Variants in ANO3 observed in about 807,000 individuals in gnomAD.
The protein encoded by ANO3 is anoctamin-3.
A neutral mutation model predicts 144.8 loss-of-function variants in ANO3; 99 were observed. The observed-to-expected ratio is 0.68, with a 90% CI of 0.58 to 0.81. The LOEUF (loss-of-function observed/expected upper bound fraction) is 0.81, where lower values mean the gene tolerates loss of function less well. Among genes scored for constraint, ANO3 ranks in the 30% least tolerant of loss-of-function variants. The pLI, the probability that ANO3 is intolerant of heterozygous loss-of-function variation, is 0.00. For synonymous variants in ANO3, 414 were observed against 392.6 expected (o/e 1.05, Z -0.64); for missense variants, 905 against 1,202.2 (o/e 0.75, Z 3.66).
At chr11:26,213,183 A>G (rs1156771872) in intron 1 of ANO3, among the ~76,000 whole-genome samples, 1 of 152,210 alleles carries the variant, frequency 6.6e-6, no homozygotes, top group Non-Finnish European at 1.5e-5. Flanking sequence ...ATCATACTAA[A>G]TGGGCACAAG....
intron 18 of ANO3, among the ~76,000 whole-genome samples, chr11:26,630,677 A>G (rs1397240616): frequency 6.6e-6 from 1 of 152,216 alleles, no homozygotes; most frequent in Non-Finnish European, 1.5e-5. Context: ...ATTTAGCCTT[A>G]TGCCACTAGG....
At chr11:26,615,414 ATT>A (rs66840659) in intron 17 of ANO3, among the ~76,000 whole-genome samples, 48,087 of 130,348 alleles carry the variant, frequency 0.37, 8,760 homozygotes, top group South Asian at 0.53. Context: ...ATATATATAT[ATT>A]TTTTTTTTTT....
At chr11:26,495,175 G>C (rs1313539617) in intron 4 of ANO3, among the ~76,000 whole-genome samples, 1 of 151,670 alleles carries the variant, frequency 6.6e-6, no homozygotes, top group African/African-American at 2.4e-5. Flanking sequence ...CACAAACACA[G>C]CTCACTGCAG....
At position 26,647,161 on chromosome 11, in the gene ANO3, G is replaced by GT. The variant is rs1853371897; in HGVS notation, c.2429-542dup. Among the ~76,000 whole-genome samples the GT allele has an allele frequency of 4.6e-5, 7 of 152,040 alleles. No individual in the cohort carries two copies. In the South Asian group the frequency reaches 1.4e-3, roughly 31 times the overall value. On this transcript the variant is annotated intron_variant, in intron 23 of 26. Coordinates refer to ENST00000256737, the MANE Select transcript of ANO3 (RefSeq NM_031418.4). ...TTCTATATACTATACATCTTCAAAA[G>GT]TTTTTTGTGTGTATGTATTTTCATG... is the stretch of plus-strand genomic sequence containing the variant.
Position 26,263,599 on chromosome 11 carries a change from T to C in ANO3, c.155-46046T>C, listed in dbSNP as rs565849101. On this transcript the variant is annotated intron_variant, in intron 1 of 27. Coordinates refer to the ANO3 transcript ENST00000672621. ...ACACTGACTTTTTTATTTGTAATAC[T>C]AAGATGAATTTGTTTTTCCTGGTTG... 4.6e-5 allele frequency among the ~76,000 whole-genome samples: 7 copies of C among 152,360 alleles called. No individual in the cohort carries two copies. The South Asian group carries it at 1.4e-3, about 32-fold the overall frequency.
At chr11:26,547,602 CAA>C (rs983954113) in intron 12 of ANO3, 52 bp downstream of exon 12, 2 of 1,516,310 alleles carry the variant, frequency 1.3e-6, no homozygotes, top group African/African-American at 2.8e-5. Context: ...TCTGAATGGG[CAA>C]AAGTTTAATG....
chr11:26,328,207 G>A (rs1199760780), upstream of ANO3, among the ~76,000 whole-genome samples: 1 of 152,174 alleles, frequency 6.6e-6, no homozygotes, highest in Non-Finnish European at 1.5e-5. Flanking sequence ...ATATCATCAG[G>A]ATGAATCTAC....
At chr11:26,584,488 A>G (rs1851223088) in intron 14 of ANO3, among the ~76,000 whole-genome samples, 1 of 152,172 alleles carries the variant, frequency 6.6e-6, no homozygotes, top group Admixed American at 6.5e-5. Flanking sequence ...GAAAACCTGG[A>G]ATAATGGAAA....
At chr11:26,403,272 C>G (rs1253918906) in intron 1 of ANO3, among the ~76,000 whole-genome samples, 1 of 151,852 alleles carries the variant, frequency 6.6e-6, no homozygotes, top group Non-Finnish European at 1.5e-5. Context: ...GGCTCTCTCT[C>G]TTTTATTGCA....
At chr11:26,294,465 AAT>A (rs151010196) in intron 1 of ANO3, among the ~76,000 whole-genome samples, 9,866 of 152,236 alleles carry the variant, frequency 0.065, 1,041 homozygotes, top group African/African-American at 0.22. Context: ...GTTGATTTGA[AAT>A]ATATATTCAT....
At chr11:26,406,972 GTATA>G (rs143934545) in intron 1 of ANO3, among the ~76,000 whole-genome samples, 4 of 133,608 alleles carry the variant, frequency 3.0e-5, no homozygotes, top group Non-Finnish European at 4.8e-5. Context: ...ATACACACAC[GTATA>G]TATATATATT....
chr11:26,478,844 A>G (rs1290272108), intron 4 of ANO3, among the ~76,000 whole-genome samples: 1 of 152,174 alleles, frequency 6.6e-6, no homozygotes, highest in Non-Finnish European at 1.5e-5. Context: ...GACTACGTGT[A>G]GTCATCAGGT....
At chr11:26,469,530 C>T (rs1298666773) in intron 4 of ANO3, among the ~76,000 whole-genome samples, 1 of 151,880 alleles carries the variant, frequency 6.6e-6, no homozygotes, top group Non-Finnish European at 1.5e-5. Context: ...TATACTCAAA[C>T]TGAATATATT....
At chr11:26,643,151 A>G in intron 22 of ANO3, 31 bp from the exon 23 acceptor site, 2 of 1,607,810 alleles carry the variant, frequency 1.2e-6, no homozygotes, top group Non-Finnish European at 8.5e-7. Context: ...GGAAGTTTAT[A>G]TAGTAATTTC....
At chr11:26,245,367 T>G (rs1852767396) in intron 1 of ANO3, among the ~76,000 whole-genome samples, 1 of 152,214 alleles carries the variant, frequency 6.6e-6, no homozygotes, top group African/African-American at 2.4e-5. Flanking sequence ...AACAAAATTT[T>G]AACCAATACT....
At chr11:26,561,362 T>C (rs945521925) in intron 14 of ANO3, 11 of 646,590 alleles carry the variant, frequency 1.7e-5, no homozygotes, top group Non-Finnish European at 1.7e-5. Flanking sequence ...ATTTTAGTTT[T>C]AAAATTTTAA....
At chr11:26,627,955 T>C (rs1221873800) in intron 18 of ANO3, among the ~76,000 whole-genome samples, 1 of 152,140 alleles carries the variant, frequency 6.6e-6, no homozygotes, top group Admixed American at 6.5e-5. Context: ...GGTCATATGC[T>C]ATTTAAAGAA....
chr11:26,405,285 T>G (rs565440362), intron 1 of ANO3, among the ~76,000 whole-genome samples: 4 of 151,938 alleles, frequency 2.6e-5, no homozygotes, highest in African/African-American at 7.2e-5. Context: ...TCAGTCACCT[T>G]TGGATATCAT....
intron 1 of ANO3, among the ~76,000 whole-genome samples, chr11:26,231,456 C>A (rs1852398551): frequency 6.6e-6 from 1 of 152,108 alleles, no homozygotes; most frequent in South Asian, 2.1e-4. Flanking sequence ...AGCCTGGGAT[C>A]TCTGGAAAGG....
Sources: allele counts gnomAD v4.1 joint callset (sites outside exome capture counted in the v4.1 genomes callset), GRCh38; gene constraint gnomAD v4.1.1; transcripts MANE v1.5; gene names NCBI Gene and HGNC (gene_info 2026-07-23, HGNC 2026-07-21).